ATR: variants seen among roughly 807,000 people sequenced by gnomAD.
ATR encodes the protein ATR checkpoint kinase.
Under a neutral mutation model 305.3 loss-of-function variants are expected in ATR, and 142 were observed. That is an observed-to-expected ratio of 0.47 (90% CI 0.41 to 0.53). The LOEUF is 0.53. Ranked by LOEUF, ATR falls within the 20% of genes least tolerant of loss-of-function variation. The pLI, the probability that ATR is intolerant of heterozygous loss-of-function variation, is 0.00. For missense variants in ATR, 2,135 were observed against 3,133.1 expected (o/e 0.68, Z 7.60); for synonymous variants, 1,050 against 1,068.1 (o/e 0.98, Z 0.33).
At chr3:142,572,839 A>C (rs925690982) in intron 1 of ATR, among the ~76,000 whole-genome samples, 1 of 152,164 alleles carries the variant, frequency 6.6e-6, no homozygotes, top group African/African-American at 2.4e-5. Context: ...AAAGAAAAAA[A>C]AACAACTCTT....
chr3:142,537,272 T>C (rs1268936691), intron 19 of ATR, among the ~76,000 whole-genome samples: 1 of 152,006 alleles, frequency 6.6e-6, no homozygotes, highest in African/African-American at 2.4e-5. Context: ...TCTGTATTTT[T>C]TGTAGAGATG....
chr3:142,571,829 C>A (rs1048387882), intron 1 of ATR, among the ~76,000 whole-genome samples: 4 of 152,052 alleles, frequency 2.6e-5, no homozygotes, highest in African/African-American at 9.7e-5. Context: ...GTTAGTGGCA[C>A]GATCTTGGCT....
intron 34 of ATR, among the ~76,000 whole-genome samples, chr3:142,494,392 G>A (rs1453624694): frequency 1.3e-5 from 2 of 152,106 alleles, no homozygotes; most frequent in Non-Finnish European, 2.9e-5. Flanking sequence ...AGTCACATGA[G>A]AAAAGAAACT....
intron 46 of ATR, chr3:142,450,423 G>A (rs2070763504): frequency 1.3e-6 from 2 of 1,590,724 alleles, no homozygotes; most frequent in Non-Finnish European, 8.6e-7. Context: ...CTTGTGACAA[G>A]TTTAGCTCAT....
At chr3:142,462,218 T>A in intron 41 of ATR, 128 bp from the exon 42 acceptor site, 1 of 878,274 alleles carries the variant, frequency 1.1e-6, no homozygotes, top group Non-Finnish European at 1.7e-6. Context: ...CTATGTGGTA[T>A]ACATGAATAA....
Position 142,550,034 on chromosome 3 carries a change from C to T in ATR, c.2976+98G>A, listed in dbSNP as rs1383143779. ...CAAATCCACTTAAACTTAAGTTTTA[C>T]AGCATAAGCAATAATCTCATATCAA... On this transcript the variant is annotated intron_variant, in intron 14 of 46. Coordinates refer to ENST00000350721, the MANE Select transcript of ATR (RefSeq NM_001184.4). 5 of 1,468,868 alleles carry T rather than the reference C, an allele frequency of 3.4e-6. No individual in the cohort carries two copies. The African/African-American group carries it at 4.2e-5, about 12-fold the overall frequency. 91.0% of individuals were successfully genotyped at this position (1,468,868 alleles called of 1,614,324 possible). A position where few individuals can be genotyped will look rare whatever the true frequency, so the allele number is the denominator to read the frequency against.
intron 16 of ATR, among the ~76,000 whole-genome samples, chr3:142,545,239 G>C (rs76653047): frequency 2.6e-5 from 4 of 152,274 alleles, no homozygotes; most frequent in African/African-American, 9.6e-5. Flanking sequence ...TGTAAACAAA[G>C]TTGTGATAAT....
Position 142,469,429 on chromosome 3 carries a change from C to T in ATR, c.6460G>A (p.Asp2154Asn), listed in dbSNP as rs202193482. The T allele has an allele frequency of 6.0e-5, 97 of 1,613,768 alleles. 1 individual carries two copies. Among genetic ancestry groups the T allele is most frequent in the South Asian group, 4.5e-4 (41 of 91,082 alleles). Reference protein sequence around the residue: ...QLISRICHSHDEVFVVLMEII... With the variant: ...QLISRICHSHNEVFVVLMEII... ...TCCATCAAGACAACAAAAACTTCAT[C>T]GTGAGAATGACAAATTCGAGAGATC... Residue 2154 changes from aspartate (D) to asparagine (N), a missense_variant, in exon 38 of 47, where the codon GAT becomes AAT. By Grantham distance (23) the Asp-to-Asn change is conservative. Around this residue, in one of 9 missense-constraint regions of ATR, gnomAD observed 462 missense variants for 887.6 expected, o/e 0.52. Coordinates refer to ENST00000350721, the MANE Select transcript of ATR (RefSeq NM_001184.4).
chr3:142,475,547 G>A (rs1316761400), intron 36 of ATR, among the ~76,000 whole-genome samples: 9 of 152,122 alleles, frequency 5.9e-5, no homozygotes, highest in Admixed American at 2.0e-4. Flanking sequence ...GAATAGTGCC[G>A]CAATAAACAT....
chr3:142,505,097 A>T (rs1333224514), intron 29 of ATR, 42 bp downstream of exon 29: 1 of 1,607,864 alleles, frequency 6.2e-7, no homozygotes, highest in South Asian at 1.1e-5. Flanking sequence ...GTTCCTATTC[A>T]GGGCTATTTT....
chr3:142,451,664 C>T, intron 46 of ATR: 6 of 1,211,838 alleles, frequency 5.0e-6, no homozygotes, highest in Non-Finnish European at 4.2e-6. Context: ...ACAGCAGCCT[C>T]CAACTCCTGG....
intron 9 of ATR, 86 bp downstream of exon 9, chr3:142,556,297 C>T: frequency 6.6e-7 from 1 of 1,506,352 alleles, no homozygotes; most frequent in Non-Finnish European, 9.1e-7. Flanking sequence ...ACATATTCAA[C>T]AATAAACACA....
intron 18 of ATR, among the ~76,000 whole-genome samples, chr3:142,540,402 T>C (rs1362154488): frequency 1.3e-5 from 2 of 152,156 alleles, no homozygotes; most frequent in East Asian, 3.8e-4. Flanking sequence ...ACATAATATA[T>C]ACAATGTCTT....
chr3:142,520,043 C>G (rs778285097), intron 23 of ATR, among the ~76,000 whole-genome samples: 9 of 152,026 alleles, frequency 5.9e-5, no homozygotes, highest in African/African-American at 1.7e-4. Context: ...GTCTCTATGT[C>G]GCATTTCGGT....
At chr3:142,494,244 G>A (rs1008907709) in intron 34 of ATR, among the ~76,000 whole-genome samples, 10 of 152,122 alleles carry the variant, frequency 6.6e-5, no homozygotes, top group Admixed American at 6.6e-5. Context: ...AAGGACTTGA[G>A]TATCCACAGA....
intron 34 of ATR, among the ~76,000 whole-genome samples, chr3:142,495,470 C>T (rs7431811): frequency 0.067 from 10,148 of 152,112 alleles, 1,074 homozygotes; most frequent in African/African-American, 0.23. Flanking sequence ...ATTGGCCAGG[C>T]GCGGTGGCTC....
intron 16 of ATR, 52 bp from the exon 17 acceptor site, chr3:142,542,809 A>T: frequency 7.2e-7 from 1 of 1,381,108 alleles, no homozygotes; most frequent in East Asian, 2.4e-5. Flanking sequence ...TGAATTTCTT[A>T]AGTTGACATT....
chr3:142,563,189 A>C, intron 3 of ATR, 80 bp from the exon 4 acceptor site: 2 of 1,360,666 alleles, frequency 1.5e-6, no homozygotes, highest in Non-Finnish European at 2.0e-6. Flanking sequence ...TTGACGATTG[A>C]CTTTTAAAGA....
chr3:142,532,567 G>C (rs1010608203), intron 21 of ATR, among the ~76,000 whole-genome samples: 1 of 152,108 alleles, frequency 6.6e-6, no homozygotes, highest in Non-Finnish European at 1.5e-5. Context: ...GTCAATGACT[G>C]TCTGGGACTA....
Sources: allele counts gnomAD v4.1 joint callset (sites outside exome capture counted in the v4.1 genomes callset), GRCh38; gene constraint gnomAD v4.1.1; regional missense constraint gnomAD v4.1.1; transcripts MANE v1.5; gene names NCBI Gene and HGNC (gene_info 2026-07-23, HGNC 2026-07-21).